The following DNAJC1 variants were observed in gnomAD, a reference collection of about 807,000 sequenced individuals.
DNAJC1 encodes DnaJ heat shock protein family (Hsp40) member C1.
Under a neutral mutation model 76.6 loss-of-function variants are expected in DNAJC1, and 58 were observed. That is an observed-to-expected ratio of 0.76 (90% CI 0.61 to 0.94). The LOEUF (loss-of-function observed/expected upper bound fraction) is 0.94, where lower values mean the gene tolerates loss of function less well. Ranked by LOEUF, DNAJC1 falls within the 40% of genes least tolerant of loss-of-function variation. The pLI, the probability that DNAJC1 is intolerant of heterozygous loss-of-function variation, is 0.00. For synonymous variants in DNAJC1, 258 were observed against 267.9 expected, an observed-to-expected ratio of 0.96 and a Z score of 0.36; for missense variants, 689 against 677.3, an observed-to-expected ratio of 1.02 and a Z score of -0.19.
intron 8 of DNAJC1, among the ~76,000 whole-genome samples, chr10:21,835,742 T>C (rs1392937525): frequency 6.6e-6 from 1 of 152,076 alleles, no homozygotes; most frequent in African/African-American, 2.4e-5. Flanking sequence ...GAAGACGAAC[T>C]GAATGAAATG....
chr10:21,964,028 G>T (rs894929555), intron 1 of DNAJC1, among the ~76,000 whole-genome samples: 1 of 152,028 alleles, frequency 6.6e-6, no homozygotes, highest in African/African-American at 2.4e-5. Flanking sequence ...CTATTTAGTG[G>T]CTACTCTAGT....
intron 1 of DNAJC1, among the ~76,000 whole-genome samples, chr10:21,961,983 C>G (rs1237842367): frequency 5.9e-5 from 9 of 152,126 alleles, no homozygotes; most frequent in Admixed American, 4.6e-4. Context: ...GGTCCTCCCC[C>G]TTATCTTCAT....
At chr10:21,951,318 C>CA (rs1308554406) in intron 1 of DNAJC1, among the ~76,000 whole-genome samples, 187 of 128,082 alleles carry the variant, frequency 1.5e-3, no homozygotes, top group Middle Eastern at 4.0e-3. Context: ...AGATCCATCT[C>CA]AAAAAAAAAA....
chr10:21,810,145 A>G (rs1834941459), intron 8 of DNAJC1, among the ~76,000 whole-genome samples: 1 of 152,182 alleles, frequency 6.6e-6, no homozygotes, highest in Non-Finnish European at 1.5e-5. Context: ...GGGGCACACA[A>G]TTCCGTTCAG....
chr10:21,917,423 T>G (rs1736649451), intron 6 of DNAJC1, among the ~76,000 whole-genome samples: 2 of 152,116 alleles, frequency 1.3e-5, no homozygotes. Context: ...TTATGTAATA[T>G]TCTATTTATA....
chr10:21,931,567 T>C (rs72797476), intron 1 of DNAJC1, among the ~76,000 whole-genome samples: 2,202 of 152,306 alleles, frequency 0.014, 21 homozygotes, highest in South Asian at 0.048. Flanking sequence ...TAGGTTCAGA[T>C]TTGGGCTGAG....
chr10:21,825,157 C>T (rs1835227381), intron 8 of DNAJC1, among the ~76,000 whole-genome samples: 1 of 152,200 alleles, frequency 6.6e-6, no homozygotes, highest in Non-Finnish European at 1.5e-5. Context: ...GCCATCACCA[C>T]TGTCCATCTC....
intron 8 of DNAJC1, among the ~76,000 whole-genome samples, chr10:21,829,643 G>C (rs1283364419): frequency 6.6e-6 from 1 of 152,148 alleles, no homozygotes. Flanking sequence ...TGAGCCACTG[G>C]GCTGGGCCCA....
At chr10:21,803,589 C>CTCTG (rs1554887201) in intron 9 of DNAJC1, among the ~76,000 whole-genome samples, 67 of 140,736 alleles carry the variant, frequency 4.8e-4, no homozygotes, top group African/African-American at 1.6e-3. Context: ...GAGTGATTTT[C>CTCTG]TGTGTGTGTG....
rs186729192 is a variant in DNAJC1 at position 21,901,160 on chromosome 10, T to C, written c.820+3362A>G. On this transcript the variant is annotated intron_variant, in intron 7 of 11. Transcript: ENST00000376980. ...CATAACTAATGTTGGGAACTATTTC[T>C]CCATATTTAAATGAAGTACTTGGCA... Among the ~76,000 whole-genome samples the C allele has an allele frequency of 2.2e-3, 335 of 152,328 alleles. 3 individuals are homozygous for C. Among genetic ancestry groups the C allele is most frequent in the African/African-American group, 7.7e-3 (319 of 41,576 alleles).
In DNAJC1 at chr10:21,920,648, CTT is replaced by C. The variant is rs1837027196; in HGVS notation, c.537+148_537+149del. 9.4e-6 allele frequency: 6 copies of C among 635,986 alleles called. No individual in the cohort carries two copies. The South Asian group carries it at 2.5e-4, about 26-fold the overall frequency. The allele number at this position is 635,986 out of a possible 1,614,324, so 39.4% of individuals were successfully genotyped here. A position where few individuals can be genotyped will look rare whatever the true frequency, so the allele number is the denominator to read the frequency against. On this transcript the variant is annotated intron_variant, in intron 4 of 11. Coordinates refer to ENST00000376980, the MANE Select transcript of DNAJC1 (RefSeq NM_022365.4). ...TTCTTATTTCATGGGTTCTTCTTGA[CTT>C]AGAAATATGTCAAACATTGAGTATA... is the stretch of plus-strand genomic sequence containing the variant.
At chr10:21,766,346 A>G (rs1356511068) in intron 9 of DNAJC1, 37 bp from the exon 10 acceptor site, 9 of 1,536,180 alleles carry the variant, frequency 5.9e-6, no homozygotes, top group Non-Finnish European at 8.1e-6. Context: ...CTTACTTTCC[A>G]TGTACCTACT....
At chr10:21,919,013 T>C in intron 5 of DNAJC1, 141 bp from the exon 6 acceptor site, 1 of 620,286 alleles carries the variant, frequency 1.6e-6, no homozygotes. Flanking sequence ...AAGTATGCAC[T>C]GAAATATTTA....
At chr10:21,785,238 A>G (rs1370259307) in intron 9 of DNAJC1, 2 of 152,130 alleles carry the variant, frequency 1.3e-5, no homozygotes, top group African/African-American at 4.8e-5. Context: ...CCAATTTCCC[A>G]TTGTGTGGAG....
chr10:21,794,953 T>C (rs1002245929), intron 9 of DNAJC1, among the ~76,000 whole-genome samples: 1 of 152,164 alleles, frequency 6.6e-6, no homozygotes, highest in Non-Finnish European at 1.5e-5. Context: ...CTGAGCATTC[T>C]GAATCTGAAA....
chr10:21,908,304 T>C (rs1484076312), intron 6 of DNAJC1, among the ~76,000 whole-genome samples: 1 of 129,776 alleles, frequency 7.7e-6, no homozygotes, highest in Non-Finnish European at 1.6e-5. Context: ...TTCCTAATAA[T>C]TAAAATTACC....
chr10:21,934,559 G>T (rs1438402840), intron 1 of DNAJC1, among the ~76,000 whole-genome samples: 6 of 152,028 alleles, frequency 3.9e-5, no homozygotes, highest in African/African-American at 1.4e-4. Flanking sequence ...CCCTATACAA[G>T]TACATTTTGT....
chr10:21,773,738 G>T (rs1834418134), intron 9 of DNAJC1, among the ~76,000 whole-genome samples: 1 of 151,024 alleles, frequency 6.6e-6, no homozygotes, highest in South Asian at 2.1e-4. Flanking sequence ...GTTATCAGGA[G>T]CACACATATT....
rs564336158 is a variant in DNAJC1, at chr10:21,853,241, A to G, written c.978+29041T>C. ...TTCTGGCCTGCTATATCTTATTTGG[A>G]ATATACTGTTGAAATGTCTTGGCTT... On this transcript the variant is annotated intron_variant, in intron 8 of 11. Transcript: ENST00000376980. Among the ~76,000 whole-genome samples the G allele has an allele frequency of 1.1e-4, 16 of 152,256 alleles. No homozygotes were observed. The South Asian group carries it at 3.3e-3, about 32-fold the overall frequency.
Sources: allele counts gnomAD v4.1 joint callset (sites outside exome capture counted in the v4.1 genomes callset), GRCh38; gene constraint gnomAD v4.1.1; transcripts MANE v1.5; gene names NCBI Gene and HGNC (gene_info 2026-07-23, HGNC 2026-07-21).